The following ANXA2R variants were observed in gnomAD, a reference collection of about 807,000 sequenced individuals.
ANXA2R encodes the protein annexin A2 receptor.
For synonymous variants in ANXA2R, 93 were observed against 93.6 expected (o/e 0.99, Z 0.04); for missense variants, 244 against 241.5 (o/e 1.01, Z -0.07).
rs763486593 is a variant in ANXA2R, at chr5:43,039,983, G to A, written c.64C>T (p.Pro22Ser). The A allele has an allele frequency of 3.7e-6, 6 of 1,613,654 alleles. No homozygotes were observed. The South Asian group carries it at 4.4e-5, about 12-fold the overall frequency. The change falls in exon 1 of 1, where the codon CCC becomes TCC. Residue 22 changes from proline to serine, a missense_variant. Physicochemically the swap from Pro to Ser is moderately conservative, Grantham distance 74. Transcript: ENST00000616064. Reference sequence around the variant, plus strand: ...GAACTCACAATAGGTGGAGGCTGGGGCTCTGGCGCCACCTCTGCGGAATCC... The same window carrying A: ...GAACTCACAATAGGTGGAGGCTGGGACTCTGGCGCCACCTCTGCGGAATCC... ...AWDSAEVAPE[P>S]QPPPIVSSED... is the part of the protein sequence containing the mutation.
chr5:43,040,042 T>C lies in ANXA2R; in HGVS notation c.5A>G (p.Glu2Gly). The C allele has an allele frequency of 6.2e-7, 1 of 1,602,814 alleles. No individual in the cohort carries two copies. The highest frequency in any genetic ancestry group is 8.5e-7 in the Non-Finnish European group (1 of 1,174,854). The change falls in exon 1 of 1, where the codon GAG becomes GGG. Residue 2 changes from glutamate (E) to glycine (G), a missense_variant. Coordinates refer to ENST00000616064, the MANE Select transcript of ANXA2R (RefSeq NM_001014279.3). Reference sequence around the variant, plus strand: ...CTTCACACAGCCAAGAAAATGTTGCTCCATCCCTCAAGCCTCAGACCAACG... The same window carrying C: ...CTTCACACAGCCAAGAAAATGTTGCCCCATCCCTCAAGCCTCAGACCAACG... M[E>G]QHFLGCVKRA...
chr5:43,039,496 C>T lies in ANXA2R; in HGVS notation c.551G>A (p.Cys184Tyr). ...CTGCTTAGCTCCACAGATCCGTGAA[C>T]AGCACGCCCAGAGTACAGAGAACGC... Reference protein sequence around the residue: ...FAAFSVLWACCSRICGAKQP With the variant: ...FAAFSVLWACYSRICGAKQP Residue 184 changes from cysteine (C) to tyrosine (Y), a missense_variant, in exon 1 of 1, where the codon TGT becomes TAT. By Grantham distance (194) the Cys-to-Tyr change is radical (BLOSUM62 -2). Transcript: ENST00000616064. 1.3e-6 allele frequency: 2 copies of T among 1,592,190 alleles called. No individual in the cohort carries two copies. Among genetic ancestry groups the T allele is most frequent in the Non-Finnish European group, 1.7e-6 (2 of 1,168,920 alleles).
chr5:43,042,902 GA>G (rs1742227449), upstream of ANXA2R: 1 of 152,308 alleles, frequency 6.6e-6, no homozygotes, highest in South Asian at 2.1e-4. The surrounding 1 kb of genome is among the most constrained non-coding windows in gnomAD (Gnocchi z 5.6). Context: ...GGCTAGACTA[GA>G]AACTTCTAAA....
chr5:43,040,419 A>C (rs1025479705), upstream of ANXA2R: 1 of 201,242 alleles, frequency 5.0e-6, no homozygotes, highest in Middle Eastern at 2.4e-3. Context: ...ACTGTCTGCT[A>C]GGGCTCTGCC....
upstream of ANXA2R, chr5:43,041,579 G>C (rs1490044751): frequency 6.6e-6 from 1 of 151,096 alleles, no homozygotes; most frequent in African/African-American, 2.4e-5. Context: ...GACAGGACTC[G>C]ATATTGCGAA....
upstream of ANXA2R, chr5:43,040,626 G>C (rs558725523): frequency 3.3e-5 from 5 of 153,064 alleles, no homozygotes; most frequent in Admixed American, 3.2e-4. Flanking sequence ...AACCAACTCT[G>C]TTTCAATGTG....
upstream of ANXA2R, chr5:43,041,845 G>C (rs1459023991): frequency 6.6e-6 from 1 of 152,174 alleles, no homozygotes; most frequent in Non-Finnish European, 1.5e-5. Flanking sequence ...ACGAGTCACA[G>C]GGTAACTTCG....
upstream of ANXA2R, chr5:43,040,403 C>G (rs780344222): frequency 2.9e-5 from 6 of 207,168 alleles, no homozygotes; most frequent in Non-Finnish European, 5.4e-5. Context: ...TTGCTGCCAC[C>G]GGAAAACTGT....
chr5:43,039,843 G>C lies in ANXA2R; in HGVS notation c.204C>G (p.Tyr68Ter). Residue 68 changes from tyrosine (Y) to a stop codon, truncating the protein, a stop_gained, in exon 2 of 2, where the codon TAC (tyrosine) becomes TAG (stop). Coordinates refer to the ANXA2R transcript ENST00000314890. LOFTEE classifies it low-confidence loss of function (END_TRUNC). ...CTCCAGGAGAGAGTCCGTTTTGCCA[G>C]TAGACTCCGGGCAGCCGCCAGCAAG... 3.1e-6 allele frequency: 5 copies of C among 1,614,240 alleles called. No individual in the cohort carries two copies. The highest frequency in any genetic ancestry group is 4.2e-6 in the Non-Finnish European group (5 of 1,180,048).
chr5:43,041,943 T>A, upstream of ANXA2R: 1 of 152,260 alleles, frequency 6.6e-6, no homozygotes, highest in Non-Finnish European at 1.5e-5. Flanking sequence ...AGGACTTGCT[T>A]GGGCTGAGAA....
rs922663880 is a variant in ANXA2R, at chr5:43,040,286, C to T, written c.-240G>A. 10 of 474,720 alleles carry T rather than the reference C, an allele frequency of 2.1e-5. No individual in the cohort carries two copies. The highest frequency in any genetic ancestry group is 3.9e-5 in the African/African-American group (2 of 50,798). The allele number at this position is 474,720 out of a possible 1,614,324, so 29.4% of individuals were successfully genotyped here. A position where few individuals can be genotyped will look rare whatever the true frequency, so the allele number is the denominator to read the frequency against. ...AGAAAAACATGGCGAGAAAAGAAAC[C>T]GAAATGAAATGACACTAAGCAAATC... is the stretch of plus-strand genomic sequence containing the variant. On this transcript the variant is annotated 5_prime_UTR_variant, in exon 1 of 1. Transcript: ENST00000616064.
At position 43,039,570 on chromosome 5, in the gene ANXA2R, G is replaced by C. The variant is rs1416886152; in HGVS notation, c.477C>G (p.Leu159=). 1.9e-6 allele frequency: 3 copies of C among 1,613,988 alleles called. No homozygotes were observed. The Admixed American group carries it at 5.0e-5, about 27-fold the overall frequency. The change falls in exon 1 of 1, where the codon CTC becomes CTG. Residue 159 remains leucine (L), a synonymous_variant. Transcript: ENST00000616064. ...HPPALQPWRH[L]PGFSDCLEWI... ...ACTCCAGGCAGTCTGAGAAACCCGG[G>C]AGGTGGCGCCACGGCTGGAGGGCAG...
upstream of ANXA2R, chr5:43,041,438 T>C (rs1193611192): frequency 6.6e-6 from 1 of 152,144 alleles, no homozygotes; most frequent in Non-Finnish European, 1.5e-5. Flanking sequence ...CCCGATTTGG[T>C]CTACAAGAGG....
Position 43,039,679 on chromosome 5 carries a change from C to T in ANXA2R, c.368G>A (p.Trp123Ter), listed in dbSNP as rs746989628. 1 of 1,613,574 alleles carries T rather than the reference C, an allele frequency of 6.2e-7. No individual in the cohort carries two copies. The highest frequency in any genetic ancestry group is 8.5e-7 in the Non-Finnish European group (1 of 1,179,634). ...GTCCCAGGGATGGAGAGGACTGCTC[C>T]AGGGAAGCTGCTGGAGCCTGAGTCT... Residue 123 changes from tryptophan (W) to a stop codon, truncating the protein, a stop_gained, in exon 2 of 2, where the codon TGG (tryptophan) becomes TAG (stop). Coordinates refer to the ANXA2R transcript ENST00000314890. LOFTEE classifies it low-confidence loss of function (END_TRUNC).
At chr5:43,041,560 C>T (rs899648839), upstream of ANXA2R, 7 of 151,532 alleles carry the variant, frequency 4.6e-5, no homozygotes, top group African/African-American at 1.7e-4. Context: ...AACACACAAG[C>T]ATAGCTAAGA....
In ANXA2R at chr5:43,039,746, C is replaced by G. The variant is rs759110883; in HGVS notation, c.301G>C (p.Glu101Gln). 1 of 1,614,198 alleles carries G rather than the reference C, an allele frequency of 6.2e-7. No homozygotes were observed. The highest frequency in any genetic ancestry group is 8.5e-7 in the Non-Finnish European group (1 of 1,180,038). Residue 101 changes from glutamate to glutamine, a missense_variant, in exon 1 of 1, where the codon GAG becomes CAG. Coordinates refer to ENST00000616064, the MANE Select transcript of ANXA2R (RefSeq NM_001014279.3). Reference protein sequence around the residue: ...FSWPGTQKQQEAPVEEVGQAE... With the variant: ...FSWPGTQKQQQAPVEEVGQAE... ...TGCCCCACCTCTTCTACGGGTGCCTCTTGCTGCTTCTGTGTCCCCGGCCAA... is the reference window on the plus strand; with the variant it reads ...TGCCCCACCTCTTCTACGGGTGCCTGTTGCTGCTTCTGTGTCCCCGGCCAA...
chr5:43,039,488 T>C lies in ANXA2R; in HGVS notation c.559A>G (p.Ile187Val). 5.0e-6 allele frequency: 8 copies of C among 1,587,080 alleles called. No individual in the cohort carries two copies. The highest frequency in any genetic ancestry group is 5.1e-6 in the Non-Finnish European group (6 of 1,166,364). The change falls in exon 1 of 1, where the codon ATC (isoleucine) becomes GTC (valine). Residue 187 changes from isoleucine to valine, a missense_variant. Ile to Val is a conservative substitution (Grantham distance 29). Coordinates refer to ENST00000616064, the MANE Select transcript of ANXA2R (RefSeq NM_001014279.3). ...FSVLWACCSR[I>V]CGAKQP ...ATCTAAGGCTGCTTAGCTCCACAGA[T>C]CCGTGAACAGCACGCCCAGAGTACA...
At chr5:43,041,155 A>G (rs183434661), upstream of ANXA2R, 1 of 152,324 alleles carries the variant, frequency 6.6e-6, no homozygotes, top group East Asian at 1.9e-4. Flanking sequence ...AAAGTCTGAA[A>G]TGCAAGTAAA....
chr5:43,039,825 A>G lies in ANXA2R; in HGVS notation c.222T>C (p.Ser74=), dbSNP rs1742156339. The G allele has an allele frequency of 6.2e-7, 1 of 1,614,204 alleles. No homozygotes were observed. Among genetic ancestry groups the G allele is most frequent in the Non-Finnish European group, 8.5e-7 (1 of 1,180,016 alleles). The part of the protein sequence containing the change: ...LPGVYWQNGL[S]PGVQSTLEPS... The stretch of plus-strand genomic sequence containing the variant: ...GTTCCAAGGTGCTCTGGACTCCAGG[A>G]GAGAGTCCGTTTTGCCAGTAGACTC... The change falls in exon 1 of 1, where the codon TCT becomes TCC. Residue 74 remains serine (S), a synonymous_variant. Transcript: ENST00000616064.
Sources: gnomAD v4.1 joint callset for allele counts on GRCh38, gnomAD v4.1.1 for gene constraint, Gnocchi (gnomAD v3.1) non-coding constraint, MANE v1.5 for transcripts, NCBI Gene and HGNC (gene_info 2026-07-23, HGNC 2026-07-21) for gene names.